The following SWT1 variants were observed in gnomAD, a reference collection of about 807,000 sequenced individuals.
The protein encoded by SWT1 is transcriptional protein SWT1.
In SWT1, 33 loss-of-function variants were observed where a neutral mutation model predicts 107.3. The ratio of observed to expected loss-of-function variants is 0.31; its 90% CI spans 0.23 to 0.41. The LOEUF is 0.41. SWT1 is among the 10% of genes least tolerant of loss of function. SWT1 has a pLI of 1.00. For synonymous variants in SWT1, 345 were observed against 348.3 expected (o/e 0.99, Z 0.11); for missense variants, 898 against 1,028.9 (o/e 0.87, Z 1.74).
chr1:185,248,284 AAAC>A (rs142564382), intron 16 of SWT1, among the ~76,000 whole-genome samples: 5,944 of 152,316 alleles, frequency 0.039, 367 homozygotes, highest in African/African-American at 0.13. Context: ...TTCTCACACA[AAAC>A]AAATTAAACT....
intron 16 of SWT1, among the ~76,000 whole-genome samples, chr1:185,255,847 C>A (rs1015636168): frequency 6.6e-6 from 1 of 151,860 alleles, no homozygotes; most frequent in African/African-American, 2.4e-5. Flanking sequence ...TGATTTTGCT[C>A]ATTAGTTGAT....
chr1:185,268,672 G>A (rs1468434960), intron 16 of SWT1, among the ~76,000 whole-genome samples: 6 of 152,084 alleles, frequency 3.9e-5, no homozygotes, highest in Non-Finnish European at 5.9e-5. Context: ...ACTAGAGTTT[G>A]TCTCATCCTC....
Position 185,234,514 on chromosome 1 carries a change from G to C in SWT1, c.2441+2806G>C, listed in dbSNP as rs550909770. 8.4e-4 allele frequency among the ~76,000 whole-genome samples: 128 copies of C among 152,180 alleles called. 2 individuals are homozygous for C. The South Asian group carries it at 0.011, about 13-fold the overall frequency. ...TGAGCCTGTGTGTGTCTTTGCACAT[G>C]AGATGGGTCTCCTGAATACTGCACA... is the stretch of plus-strand genomic sequence containing the variant. On this transcript the variant is annotated intron_variant, in intron 16 of 18. Transcript: ENST00000367500.
At chr1:185,222,125 T>G in intron 15 of SWT1, 89 bp downstream of exon 15, 1 of 898,000 alleles carries the variant, frequency 1.1e-6, no homozygotes, top group Non-Finnish European at 1.6e-6. Flanking sequence ...TGATGTGCAA[T>G]TTGACGTTTC....
intron 16 of SWT1, 126 bp downstream of exon 16, chr1:185,231,834 T>G (rs1170512833): frequency 1.6e-6 from 1 of 628,450 alleles, no homozygotes; most frequent in East Asian, 2.8e-5. Flanking sequence ...TAGCATGAAA[T>G]CAAGTGCTTT....
chr1:185,212,760 G>A (rs1248474944), intron 13 of SWT1, among the ~76,000 whole-genome samples: 3 of 148,532 alleles, frequency 2.0e-5, no homozygotes, highest in South Asian at 2.1e-4. Context: ...CCGAGATTGC[G>A]CCATTGCACT....
intron 16 of SWT1, among the ~76,000 whole-genome samples, chr1:185,265,301 C>T (rs913614386): frequency 4.6e-5 from 7 of 151,800 alleles, no homozygotes; most frequent in African/African-American, 1.7e-4. Flanking sequence ...GCATTTTTTT[C>T]AAAATCTAGG....
intron 16 of SWT1, among the ~76,000 whole-genome samples, chr1:185,244,571 G>GGGT (rs1201878362): frequency 2.6e-5 from 4 of 152,120 alleles, no homozygotes; most frequent in Non-Finnish European, 4.4e-5. Context: ...GTCAGTGGGT[G>GGGT]GGTGGTGAGT....
At chr1:185,251,021 AATCT>A (rs1661978321) in intron 16 of SWT1, among the ~76,000 whole-genome samples, 1 of 152,128 alleles carries the variant, frequency 6.6e-6, no homozygotes, top group South Asian at 2.1e-4. Context: ...ATCTCTAGTA[AATCT>A]AAATTCTTGA....
intron 16 of SWT1, among the ~76,000 whole-genome samples, chr1:185,259,170 TCTC>T (rs1178588455): frequency 3.9e-5 from 6 of 152,162 alleles, no homozygotes; most frequent in African/African-American, 1.4e-4. Flanking sequence ...AACTCCCTGT[TCTC>T]CTCCTCAAAG....
intron 6 of SWT1, among the ~76,000 whole-genome samples, chr1:185,181,272 C>G (rs1227900178): frequency 6.6e-6 from 1 of 151,998 alleles, no homozygotes; most frequent in Non-Finnish European, 1.5e-5. Context: ...TGTCTCAAAA[C>G]AAAACAAAAA....
intron 14 of SWT1, among the ~76,000 whole-genome samples, chr1:185,215,908 C>T (rs999197554): frequency 1.3e-5 from 2 of 152,068 alleles, no homozygotes; most frequent in African/African-American, 4.8e-5. Context: ...CCTCAGTTAT[C>T]ACTATTACTA....
At chr1:185,211,130 T>C (rs1658766585) in intron 13 of SWT1, among the ~76,000 whole-genome samples, 1 of 152,194 alleles carries the variant, frequency 6.6e-6, no homozygotes, top group African/African-American at 2.4e-5. Flanking sequence ...AAGTAATTTA[T>C]AGATTCAGTG....
chr1:185,172,102 C>T (rs947998060), intron 4 of SWT1, among the ~76,000 whole-genome samples: 1 of 152,198 alleles, frequency 6.6e-6, no homozygotes, highest in Non-Finnish European at 1.5e-5. Flanking sequence ...CCTCTACTGC[C>T]TCTTGGGTGC....
intron 16 of SWT1, among the ~76,000 whole-genome samples, chr1:185,237,624 C>T (rs1461178530): frequency 6.6e-6 from 1 of 152,050 alleles, no homozygotes; most frequent in Non-Finnish European, 1.5e-5. Context: ...GTGCAGGAAA[C>T]CACAATGGAA....
At chr1:185,210,054 C>G (rs1056635711) in intron 13 of SWT1, among the ~76,000 whole-genome samples, 4 of 152,096 alleles carry the variant, frequency 2.6e-5, no homozygotes, top group African/African-American at 9.7e-5. Context: ...TATCCCTCGC[C>G]CACTTTTTGA....
rs373702097 is a variant in SWT1, at chr1:185,195,219, A to G, written c.1523+4577A>G. ...TGTGTCCATGTGTTCTCATTGTTCAACTCCCACTTAAGAGTGAGGACATGC... is the reference window on the plus strand; with the variant it reads ...TGTGTCCATGTGTTCTCATTGTTCAGCTCCCACTTAAGAGTGAGGACATGC... On this transcript the variant is annotated intron_variant, in intron 10 of 18. Transcript: ENST00000367500. 7.9e-5 allele frequency among the ~76,000 whole-genome samples: 12 copies of G among 151,738 alleles called. No homozygotes were observed. In the East Asian group the frequency reaches 1.9e-3, roughly 25 times the overall value.
Position 185,281,019 on chromosome 1 carries a change from T to C in SWT1, c.2573+4351T>C. 3 of 330,354 alleles carry C rather than the reference T, an allele frequency of 9.1e-6. No individual in the cohort carries two copies. The Admixed American group carries it at 1.0e-4, about 11-fold the overall frequency. The allele number at this position is 330,354 out of a possible 1,614,324, so 20.5% of individuals were successfully genotyped here. A position where few individuals can be genotyped will look rare whatever the true frequency, so the allele number is the denominator to read the frequency against. Reference sequence around the variant, plus strand: ...AAGAGTTTTCAGTCCCTTTTTATGATGATGACTAAGTCCTTTTTTATGAAG... The same window carrying C: ...AAGAGTTTTCAGTCCCTTTTTATGACGATGACTAAGTCCTTTTTTATGAAG... On this transcript the variant is annotated intron_variant, in intron 18 of 18. Coordinates refer to ENST00000367500, the MANE Select transcript of SWT1 (RefSeq NM_017673.7).
chr1:185,264,429 G>A, intron 16 of SWT1: 1 of 984,834 alleles, frequency 1.0e-6, no homozygotes, highest in Non-Finnish European at 1.2e-6. Flanking sequence ...TGTTCATTTG[G>A]TTCCTAGTTG....
Sources: allele counts gnomAD v4.1 joint callset (sites outside exome capture counted in the v4.1 genomes callset), GRCh38; gene constraint gnomAD v4.1.1; transcripts MANE v1.5; gene names NCBI Gene and HGNC (gene_info 2026-07-23, HGNC 2026-07-21).